The following GPC5 variants were observed in gnomAD, a reference collection of about 807,000 sequenced individuals.
GPC5 encodes the protein glypican 5.
A neutral mutation model predicts 53.9 loss-of-function variants in GPC5; 47 were observed. That is an observed-to-expected ratio of 0.87 (90% CI 0.69 to 1.11). The LOEUF is 1.11. Among genes scored for constraint, GPC5 ranks in the 50% most tolerant of loss-of-function variants. The probability of loss-of-function intolerance (pLI) is 0.00; values close to 1 mark genes in which losing one functional copy is unlikely to be tolerated. For missense variants in GPC5, 748 were observed against 713.1 expected (o/e 1.05, Z -0.56); for synonymous variants, 286 against 263.3 (o/e 1.09, Z -0.84).
chr13:92,186,089 TTA>T (rs1297653018), intron 7 of GPC5, among the ~76,000 whole-genome samples: 2 of 152,242 alleles, frequency 1.3e-5, no homozygotes, highest in Non-Finnish European at 2.9e-5. Flanking sequence ...TCAGAGGCAG[TTA>T]TATTTCAAGA....
intron 2 of GPC5, among the ~76,000 whole-genome samples, chr13:91,462,471 T>C (rs949653169): frequency 1.3e-5 from 2 of 152,152 alleles, no homozygotes; most frequent in African/African-American, 4.8e-5. Context: ...TGTCACTGAA[T>C]TACTGTGAAG....
chr13:92,457,747 T>A (rs2139405850), intron 7 of GPC5, among the ~76,000 whole-genome samples: 1 of 152,308 alleles, frequency 6.6e-6, no homozygotes, highest in South Asian at 2.1e-4. Context: ...ACACACTTTT[T>A]AATATTTTTG....
At chr13:91,478,902 TGCAC>T (rs1566435810) in intron 2 of GPC5, among the ~76,000 whole-genome samples, 5 of 90,278 alleles carry the variant, frequency 5.5e-5, no homozygotes, top group Non-Finnish European at 1.0e-4. Context: ...TATATATATA[TGCAC>T]ATATATATAT....
At chr13:92,750,357 T>G (rs952437034) in intron 7 of GPC5, among the ~76,000 whole-genome samples, 1 of 152,144 alleles carries the variant, frequency 6.6e-6, no homozygotes, top group Non-Finnish European at 1.5e-5. Context: ...TCATTATATA[T>G]AAGTGAACTC....
At chr13:92,632,853 A>G (rs1249454175) in intron 7 of GPC5, among the ~76,000 whole-genome samples, 1 of 152,026 alleles carries the variant, frequency 6.6e-6, no homozygotes, top group Non-Finnish European at 1.5e-5. Context: ...GCAAGCAAAG[A>G]GAACTTCTGC....
At chr13:92,681,093 A>C (rs550687120) in intron 7 of GPC5, among the ~76,000 whole-genome samples, 1 of 151,638 alleles carries the variant, frequency 6.6e-6, no homozygotes, top group South Asian at 2.1e-4. Context: ...TTGAGAGGAC[A>C]CCATCTCTGT....
At chr13:91,401,987 A>G (rs1876988766) in intron 1 of GPC5, among the ~76,000 whole-genome samples, 1 of 152,184 alleles carries the variant, frequency 6.6e-6, no homozygotes, top group Admixed American at 6.5e-5. Flanking sequence ...TTTATTCAGA[A>G]AAGAACTGTT....
At chr13:92,457,140 C>T (rs544053011) in intron 7 of GPC5, among the ~76,000 whole-genome samples, 1 of 152,178 alleles carries the variant, frequency 6.6e-6, no homozygotes, top group South Asian at 2.1e-4. Context: ...CTGTTAATGG[C>T]CTCCAGCTGC....
intron 7 of GPC5, among the ~76,000 whole-genome samples, chr13:92,716,583 C>T (rs181021330): frequency 6.6e-6 from 1 of 152,062 alleles, no homozygotes; most frequent in Non-Finnish European, 1.5e-5. Flanking sequence ...ATAGCTCTAT[C>T]CTGGTGCTTT....
intron 5 of GPC5, among the ~76,000 whole-genome samples, chr13:91,830,299 G>C (rs2038635636): frequency 6.6e-6 from 1 of 152,040 alleles, no homozygotes; most frequent in Non-Finnish European, 1.5e-5. Flanking sequence ...CAGAGTTTAA[G>C]GTTATCTCTT....
chr13:92,811,525 T>C (rs1836395215), intron 7 of GPC5, among the ~76,000 whole-genome samples: 2 of 151,992 alleles, frequency 1.3e-5, no homozygotes, highest in African/African-American at 4.8e-5. Context: ...ATTAAAACAT[T>C]ATCAGATATT....
intron 6 of GPC5, among the ~76,000 whole-genome samples, chr13:92,140,041 TA>T (rs1466780110): frequency 4.6e-5 from 7 of 152,140 alleles, no homozygotes; most frequent in African/African-American, 1.7e-4. Context: ...TAAGTGCAAG[TA>T]AACGATGCAG....
chr13:91,521,780 C>T (rs761229545), intron 2 of GPC5, among the ~76,000 whole-genome samples: 2 of 152,140 alleles, frequency 1.3e-5, no homozygotes, highest in Non-Finnish European at 2.9e-5. Context: ...GTGTCAGATT[C>T]CAAAAGGTGA....
intron 7 of GPC5, among the ~76,000 whole-genome samples, chr13:92,457,886 C>T (rs1239229167): frequency 1.3e-5 from 2 of 152,062 alleles, no homozygotes; most frequent in Non-Finnish European, 2.9e-5. Flanking sequence ...TGAAGTGTTG[C>T]CTGTCCTTAC....
At chr13:92,856,435 G>A (rs1464944680) in intron 7 of GPC5, among the ~76,000 whole-genome samples, 1 of 151,980 alleles carries the variant, frequency 6.6e-6, no homozygotes, top group African/African-American at 2.4e-5. Flanking sequence ...AGTGAAACAA[G>A]ACAAAACGTC....
At chr13:92,287,266 T>G (rs2042962547) in intron 7 of GPC5, among the ~76,000 whole-genome samples, 1 of 152,214 alleles carries the variant, frequency 6.6e-6, no homozygotes, top group South Asian at 2.1e-4. Context: ...GAAAGTTGTT[T>G]TATGGATAAA....
At chr13:92,852,575 T>C (rs949896330) in intron 7 of GPC5, among the ~76,000 whole-genome samples, 3 of 152,198 alleles carry the variant, frequency 2.0e-5, no homozygotes, top group Admixed American at 1.3e-4. Context: ...GCTTTTTTTA[T>C]TTTTTATTTT....
At chr13:92,656,833 A>T (rs1473399120) in intron 7 of GPC5, among the ~76,000 whole-genome samples, 1 of 152,188 alleles carries the variant, frequency 6.6e-6, no homozygotes, top group Non-Finnish European at 1.5e-5. Flanking sequence ...ATGCATCCAT[A>T]ATCCCAGCTA....
chr13:92,602,220 A>AATATATATATAACATATATATAT, intron 7 of GPC5, among the ~76,000 whole-genome samples: 1 of 110,242 alleles, frequency 9.1e-6, no homozygotes, highest in African/African-American at 3.4e-5. Flanking sequence ...CATATATATA[A>AATATATATATAACATATATATAT]ATATATATAT....
Sources: gnomAD v4.1 joint callset for allele counts (sites outside exome capture counted in the v4.1 genomes callset) on GRCh38, gnomAD v4.1.1 for gene constraint, MANE v1.5 for transcripts, NCBI Gene and HGNC (gene_info 2026-07-23, HGNC 2026-07-21) for gene names.